EP400: variants seen among roughly 807,000 people sequenced by gnomAD.
The protein encoded by EP400 is E1A binding protein p400.
Under a neutral mutation model 354.1 loss-of-function variants are expected in EP400, and 105 were observed. That is an observed-to-expected ratio of 0.30 (90% confidence interval 0.25 to 0.35). The LOEUF (loss-of-function observed/expected upper bound fraction) is 0.35. Ranked by LOEUF, EP400 falls within the 10% of genes least tolerant of loss-of-function variation. EP400 has a pLI of 1.00. For synonymous variants in EP400, 1,646 were observed against 1,716.9 expected, an observed-to-expected ratio of 0.96 and a Z score of 1.02; for missense variants, 3,280 against 4,121.0, an observed-to-expected ratio of 0.80 and a Z score of 5.59.
intron 51 of EP400, among the ~76,000 whole-genome samples, chr12:132,074,169 C>G (rs1565937640): frequency 6.6e-6 from 1 of 151,716 alleles, no homozygotes; most frequent in Non-Finnish European, 1.5e-5. Context: ...AGGTGATCCA[C>G]CTGCCTCGGC....
At position 132,075,983 on chromosome 12, in the gene EP400, C is replaced by CT. The variant is rs1896224159; in HGVS notation, c.9022-532dup. ...GTAGCAAGTGCACAGAAAGTGGGCA[C>CT]TGGGTGGAAAGTGTTGCTTTATAAA... is the stretch of plus-strand genomic sequence containing the variant. On this transcript the variant is annotated intron_variant, in intron 51 of 52. Transcript: ENST00000389561. This position sits in a 1 kb window ranked among gnomAD's most constrained non-coding sequence, Gnocchi z 4.5. The CT allele has an allele frequency of 9.9e-6, 2 of 202,598 alleles. No individual in the cohort carries two copies. The highest frequency in any genetic ancestry group is 4.6e-5 in the African/African-American group (2 of 43,110). The allele number at this position is 202,598 out of a possible 1,614,324, so 12.6% of individuals were successfully genotyped here. A position where few individuals can be genotyped will look rare whatever the true frequency, so the allele number is the denominator to read the frequency against.
Position 131,960,590 on chromosome 12 carries a change from C to T in EP400, c.-30C>T, listed in dbSNP as rs1486825781. The T allele has an allele frequency of 1.2e-5, 18 of 1,553,280 alleles. No homozygotes were observed. Among genetic ancestry groups the T allele is most frequent in the South Asian group, 3.6e-5 (3 of 83,748 alleles). Reference sequence around the variant, plus strand: ...ATTTTAATTTTAATTTTTAGGAGAACGACACATTGGATACAGAAGGGAGGT... The same window carrying T: ...ATTTTAATTTTAATTTTTAGGAGAATGACACATTGGATACAGAAGGGAGGT... On this transcript the variant is annotated 5_prime_UTR_variant, in exon 2 of 53. In the 5' UTR this introduces an upstream ATG that the reference lacks. Coordinates refer to ENST00000389561, the MANE Select transcript of EP400 (RefSeq NM_015409.5).
intron 2 of EP400, among the ~76,000 whole-genome samples, chr12:131,966,867 G>A (rs895202822): frequency 1.2e-4 from 16 of 135,802 alleles, no homozygotes; most frequent in Admixed American, 1.6e-4. Flanking sequence ...TCACCCCATT[G>A]CACTCCAGCC....
intron 2 of EP400, chr12:131,963,443 C>T (rs1037730277): frequency 4.4e-6 from 4 of 908,328 alleles, no homozygotes; most frequent in Non-Finnish European, 6.9e-6. Context: ...CCCCAAATGT[C>T]AGTGAGCTAT....
intron 1 of EP400, among the ~76,000 whole-genome samples, chr12:131,958,931 T>A (rs1235021301): frequency 6.6e-6 from 1 of 152,146 alleles, no homozygotes; most frequent in Non-Finnish European, 1.5e-5. Context: ...TGTCTTGGAG[T>A]AAGCAAGAAG....
At chr12:132,005,941 C>T (rs1893565578) in intron 13 of EP400, among the ~76,000 whole-genome samples, 171 bp from the exon 14 acceptor site, 1 of 152,128 alleles carries the variant, frequency 6.6e-6, no homozygotes, top group African/African-American at 2.4e-5. Flanking sequence ...AGTTCTCTCC[C>T]ATTTATCCAG....
At chr12:131,991,554 T>C in intron 10 of EP400, 98 bp downstream of exon 10, 1 of 1,049,946 alleles carries the variant, frequency 9.5e-7, no homozygotes, top group Non-Finnish European at 1.4e-6. Flanking sequence ...TTGTAGGCTG[T>C]GACTATTACT....
intron 32 of EP400, among the ~76,000 whole-genome samples, chr12:132,042,416 T>C (rs542063858): frequency 6.6e-6 from 1 of 152,350 alleles, no homozygotes; most frequent in South Asian, 2.1e-4. Context: ...AGGGCCCACA[T>C]CTGCCGTCTT....
intron 47 of EP400, 133 bp downstream of exon 47, chr12:132,062,834 G>C: frequency 8.8e-7 from 1 of 1,131,610 alleles, no homozygotes; most frequent in Non-Finnish European, 1.3e-6. Context: ...CTTTATGTAG[G>C]ACGCGTGCTT....
intron 12 of EP400, among the ~76,000 whole-genome samples, chr12:132,004,299 G>A (rs1185127574): frequency 6.6e-6 from 1 of 152,164 alleles, no homozygotes; most frequent in African/African-American, 2.4e-5. Context: ...TTCCAGGGAT[G>A]ATTAATGAAA....
chr12:132,000,058 A>G (rs1392510153), intron 12 of EP400, among the ~76,000 whole-genome samples: 1 of 150,152 alleles, frequency 6.7e-6, no homozygotes, highest in Non-Finnish European at 1.5e-5. Flanking sequence ...TTTTAAAAAC[A>G]TCTTTTTCTG....
In EP400 at chr12:132,065,247, G is replaced by C. The variant is rs75553963; in HGVS notation, c.8553+361G>C. 2,528 of 294,708 alleles carry C rather than the reference G, an allele frequency of 8.6e-3. 53 individuals are homozygous for C. Among genetic ancestry groups the C allele is most frequent in the African/African-American group, 0.05 (2,361 of 47,382 alleles). The allele number at this position is 294,708 out of a possible 1,614,324, so 18.3% of individuals were successfully genotyped here. On this transcript the variant is annotated intron_variant, in intron 48 of 52. Coordinates refer to ENST00000389561, the MANE Select transcript of EP400 (RefSeq NM_015409.5). Reference sequence around the variant, plus strand: ...GAGGGCGCTGTGCATGTAAGCCGTAGGCATGGGCAGGTGGCGGTCTCTGAA... The same window carrying C: ...GAGGGCGCTGTGCATGTAAGCCGTACGCATGGGCAGGTGGCGGTCTCTGAA...
intron 23 of EP400, among the ~76,000 whole-genome samples, chr12:132,023,421 G>T (rs1441400502): frequency 2.7e-5 from 4 of 147,336 alleles, no homozygotes; most frequent in Non-Finnish European, 5.9e-5. Flanking sequence ...CTCCCAAAGT[G>T]CTGGGATTAC....
Position 132,045,545 on chromosome 12 carries a change from C to T in EP400, c.7011C>T (p.Asp2337=). 1 of 1,614,136 alleles carries T rather than the reference C, an allele frequency of 6.2e-7. No homozygotes were observed. ...QDNPEWLISE[D]WALLQAVKQL... ...ACCCCGAGTGGCTCATCAGTGAGGA[C>T]TGGGCGCTGCTGCAGGTAGGTGGGC... The change falls in exon 38 of 53, where the codon GAC becomes GAT. Residue 2337 remains aspartate, a synonymous_variant. Coordinates refer to ENST00000389561, the MANE Select transcript of EP400 (RefSeq NM_015409.5).
Position 132,017,756 on chromosome 12 carries a change from G to C in EP400, c.4110+35G>C. On this transcript the variant is annotated intron_variant, in intron 20 of 52. Coordinates refer to ENST00000389561, the MANE Select transcript of EP400 (RefSeq NM_015409.5). This position sits in a 1 kb window ranked among gnomAD's most constrained non-coding sequence, Gnocchi z 5.0. The stretch of plus-strand genomic sequence containing the variant: ...GGATCCAGAAAGCGGAATTACTGTT[G>C]GATATCTTTTCTAGGCACATTATAG... 1 of 1,503,318 alleles carries C rather than the reference G, an allele frequency of 6.7e-7. No homozygotes were observed. Among genetic ancestry groups the C allele is most frequent in the Middle Eastern group, 1.8e-4 (1 of 5,544 alleles). 93.1% of individuals were successfully genotyped at this position (1,503,318 alleles called of 1,614,324 possible). A position where few individuals can be genotyped will look rare whatever the true frequency, so the allele number is the denominator to read the frequency against.
chr12:131,976,137 T>G (rs1474844512), intron 2 of EP400, among the ~76,000 whole-genome samples: 1 of 152,232 alleles, frequency 6.6e-6, no homozygotes, highest in African/African-American at 2.4e-5. Flanking sequence ...AGATTTCTTC[T>G]TGTCTTTTAT....
rs73163002 is a variant in EP400 at position 132,057,604 on chromosome 12, A to G, written c.7884+2396A>G. Among the ~76,000 whole-genome samples, 1,440 of 152,334 alleles carry G rather than the reference A, an allele frequency of 9.5e-3. 20 individuals are homozygous for G. The highest frequency in any genetic ancestry group is 0.032 in the African/African-American group (1,346 of 41,576). On this transcript the variant is annotated intron_variant, in intron 45 of 52. Transcript: ENST00000389561. Reference sequence around the variant, plus strand: ...ATTGTACTCTGTAAATTACCCTTCAATAAATCCCTCTAAAACACTCTTAAG... The same window carrying G: ...ATTGTACTCTGTAAATTACCCTTCAGTAAATCCCTCTAAAACACTCTTAAG...
chr12:131,987,167 A>C (rs1047013998), intron 6 of EP400, among the ~76,000 whole-genome samples: 1 of 152,146 alleles, frequency 6.6e-6, no homozygotes, highest in Non-Finnish European at 1.5e-5. Flanking sequence ...TTTGAGAGTC[A>C]CTGCCCAGCC....
intron 25 of EP400, among the ~76,000 whole-genome samples, chr12:132,026,705 A>G (rs1894317848): frequency 6.6e-6 from 1 of 152,102 alleles, no homozygotes. Flanking sequence ...CCCCAGTACC[A>G]ACTGGAGTCC....
Sources: allele counts gnomAD v4.1 joint callset (sites outside exome capture counted in the v4.1 genomes callset), GRCh38; gene constraint gnomAD v4.1.1; non-coding constraint Gnocchi (gnomAD v3.1); transcripts MANE v1.5; gene names NCBI Gene and HGNC (gene_info 2026-07-23, HGNC 2026-07-21).